Variants in HGS observed in about 807,000 individuals in gnomAD.
HGS encodes human growth factor-regulated tyrosine kinase substrate.
Under a neutral mutation model 109.7 loss-of-function variants are expected in HGS, and 63 were observed. The observed-to-expected ratio is 0.57, with a 90% CI of 0.47 to 0.71. The LOEUF is 0.71. HGS is among the 30% of genes least tolerant of loss of function. The probability of loss-of-function intolerance (pLI) is 0.00; values close to 1 mark genes in which losing one functional copy is unlikely to be tolerated. For synonymous variants in HGS, 546 were observed against 437.3 expected (o/e 1.25, Z -3.10); for missense variants, 995 against 1,068.3 (o/e 0.93, Z 0.96).
Position 81,696,996 on chromosome 17 carries a change from C to T in HGS, c.1880C>T (p.Ala627Val), listed in dbSNP as rs2037161993. 1.3e-6 allele frequency: 2 copies of T among 1,578,560 alleles called. No homozygotes were observed. Among genetic ancestry groups the T allele is most frequent in the Non-Finnish European group, 1.7e-6 (2 of 1,165,082 alleles). ...TACCCCAGCATGCCCAGCACTGCGG[C>T]TGGTAAGGACGGGTCGGGGCAGAGA... ...GPYPSMPSTA[A>V]DPSMVSAYMY... is the part of the protein sequence containing the mutation. Residue 627 changes from alanine (A) to valine (V), a missense_variant and splice_region_variant, in exon 18 of 22, where the codon GCT (alanine) becomes GTT (valine). Physicochemically the swap from Ala to Val is moderately conservative, Grantham distance 64 (BLOSUM62 0). Transcript: ENST00000329138.
intron 8 of HGS, 89 bp from the exon 9 acceptor site, chr17:81,693,414 G>A: frequency 2.1e-6 from 2 of 945,206 alleles, no homozygotes; most frequent in Non-Finnish European, 3.4e-6. Flanking sequence ...GGGACACTTA[G>A]AGGAGCCCGC....
intron 4 of HGS, among the ~76,000 whole-genome samples, chr17:81,687,635 AGATTGTGCCGGGGACATCTGCAGG>A (rs2037000092): frequency 6.6e-6 from 1 of 152,142 alleles, no homozygotes; most frequent in Non-Finnish European, 1.5e-5. Context: ...GATCCCCAGG[AGATTGTGCCGGGGACATCTGCAGG>A]GATTGTGCTG....
At chr17:81,686,646 A>T (rs1391660585) in intron 3 of HGS, among the ~76,000 whole-genome samples, 2 of 152,226 alleles carry the variant, frequency 1.3e-5, no homozygotes, top group African/African-American at 2.4e-5. Flanking sequence ...CAGAAGGCGG[A>T]TGTCATTGCT....
intron 18 of HGS, among the ~76,000 whole-genome samples, chr17:81,699,947 C>A (rs1316073412): frequency 6.6e-6 from 1 of 151,834 alleles, no homozygotes; most frequent in African/African-American, 2.4e-5. Flanking sequence ...TGGTGGTGCA[C>A]GCCTGTAATC....
chr17:81,694,913 A>G lies in HGS; in HGVS notation c.976-11A>G, dbSNP rs539870901. 12 of 1,614,170 alleles carry G rather than the reference A, an allele frequency of 7.4e-6. No individual in the cohort carries two copies. Among genetic ancestry groups the G allele is most frequent in the African/African-American group, 6.7e-5 (5 of 75,054 alleles). Reference sequence around the variant, plus strand: ...TTCTGGCCTTGGGAGTGACCCCCTCATTGCCTGCAGCTCGCACGGTATCTC... The same window carrying G: ...TTCTGGCCTTGGGAGTGACCCCCTCGTTGCCTGCAGCTCGCACGGTATCTC... On this transcript the variant is annotated splice_polypyrimidine_tract_variant and intron_variant, in intron 12 of 21. Transcript: ENST00000329138.
intron 3 of HGS, among the ~76,000 whole-genome samples, 161 bp from the exon 4 acceptor site, chr17:81,686,842 G>A (rs1003376752): frequency 5.9e-5 from 9 of 151,682 alleles, no homozygotes; most frequent in African/African-American, 1.2e-4. Flanking sequence ...GGCCACTGAC[G>A]GGCCTGTCGA....
intron 4 of HGS, among the ~76,000 whole-genome samples, chr17:81,687,556 C>T (rs1477039073): frequency 2.6e-5 from 4 of 152,096 alleles, no homozygotes; most frequent in Non-Finnish European, 5.9e-5. Context: ...ATGTGTCTGG[C>T]GGGGATAAGA....
rs1342204823 is a variant in HGS at position 81,701,627 on chromosome 17, A to G, written c.*9A>G. ...TCATTTCATTCGACTGACCCAGGCC[A>G]TGCTCACGTCCGGAGTAACACTACA... On this transcript the variant is annotated 3_prime_UTR_variant, in exon 22 of 22. Transcript: ENST00000329138. The G allele has an allele frequency of 1.9e-6, 3 of 1,552,320 alleles. No homozygotes were observed. Among genetic ancestry groups the G allele is most frequent in the Non-Finnish European group, 8.7e-7 (1 of 1,155,028 alleles).
At chr17:81,697,140 C>T in intron 18 of HGS, 142 bp downstream of exon 18, 2 of 911,218 alleles carry the variant, frequency 2.2e-6, no homozygotes, top group Non-Finnish European at 3.2e-6. Flanking sequence ...TTCCTGTTTC[C>T]ATGCAAACGC....
At position 81,684,064 on chromosome 17, in the gene HGS, G is replaced by T. The variant is rs767282458; in HGVS notation, c.-3G>T. On this transcript the variant is annotated 5_prime_UTR_variant, in exon 1 of 22. Coordinates refer to ENST00000329138, the MANE Select transcript of HGS (RefSeq NM_004712.5). ...CGGCGTCGGGTTTGGGCTGGAGGTC[G>T]CCATGGGGCGAGGCAGCGGCACCTT... is the stretch of plus-strand genomic sequence containing the variant. 6.9e-6 allele frequency: 11 copies of T among 1,593,386 alleles called. No homozygotes were observed. Among genetic ancestry groups the T allele is most frequent in the Non-Finnish European group, 9.4e-6 (11 of 1,172,494 alleles).
At chr17:81,690,402 G>T (rs2037045467) in intron 6 of HGS, 168 bp downstream of exon 6, 7 of 748,090 alleles carry the variant, frequency 9.4e-6, no homozygotes, top group Non-Finnish European at 1.6e-5. Flanking sequence ...GTCTCTGCAG[G>T]GCGAGGTGGA....
intron 1 of HGS, chr17:81,684,816 T>G (rs2036946965): frequency 2.5e-6 from 2 of 804,824 alleles, no homozygotes; most frequent in Non-Finnish European, 3.0e-6. Context: ...CAAGTAGGGT[T>G]TTCAAGGAGA....
rs761223362 is a variant in HGS at position 81,693,919 on chromosome 17, C to T, written c.890C>T (p.Ser297Leu). 7 of 1,611,596 alleles carry T rather than the reference C, an allele frequency of 4.3e-6. No homozygotes were observed. The highest frequency in any genetic ancestry group is 2.2e-5 in the East Asian group (1 of 44,896). Residue 297 changes from serine to leucine, a missense_variant, in exon 11 of 22, where the codon TCG (serine) becomes TTG (leucine). Physicochemically the swap from Ser to Leu is moderately radical, Grantham distance 145. Coordinates refer to ENST00000329138, the MANE Select transcript of HGS (RefSeq NM_004712.5). ...TSYPKAEPMPSASSAPPASSL... is the reference protein window; with the variant it reads ...TSYPKAEPMPLASSAPPASSL... Reference sequence around the variant, plus strand: ...TACCCCAAGGCGGAGCCCATGCCCTCGGCCTCCTCAGCGCCCCCCGCCAGC... The same window carrying T: ...TACCCCAAGGCGGAGCCCATGCCCTTGGCCTCCTCAGCGCCCCCCGCCAGC...
intron 8 of HGS, 72 bp from the exon 9 acceptor site, chr17:81,693,431 G>A: frequency 7.9e-6 from 9 of 1,135,204 alleles, no homozygotes; most frequent in South Asian, 6.5e-5. Context: ...CCGCAGAGGT[G>A]TGGTTGAGAG....
intron 11 of HGS, 47 bp from the exon 12 acceptor site, chr17:81,694,768 C>A (rs1285147525): frequency 1.2e-6 from 2 of 1,613,374 alleles, no homozygotes; most frequent in East Asian, 2.2e-5. Context: ...CCTGCCGAAG[C>A]AACTGGCTCT....
At position 81,696,368 on chromosome 17, in the gene HGS, G is replaced by A; in HGVS notation, c.1405G>A (p.Gly469Arg). Reference protein sequence around the residue: ...QLDERRLYYEGLQDKLAQIRD... With the variant: ...QLDERRLYYERLQDKLAQIRD... ...TCATCTGCCCACAGTGTACTATGAG[G>A]GGCTGCAGGACAAGCTGGCACAGAT... is the stretch of plus-strand genomic sequence containing the variant. The change falls in exon 16 of 22, where the codon GGG becomes AGG. Residue 469 changes from glycine (G) to arginine (R), a missense_variant. Transcript: ENST00000329138. 1 of 1,585,352 alleles carries A rather than the reference G, an allele frequency of 6.3e-7. No individual in the cohort carries two copies. The highest frequency in any genetic ancestry group is 8.6e-7 in the Non-Finnish European group (1 of 1,168,432).
At chr17:81,689,456 A>G (rs894952937) in intron 5 of HGS, among the ~76,000 whole-genome samples, 5 of 97,482 alleles carry the variant, frequency 5.1e-5, no homozygotes, top group African/African-American at 1.6e-4. Flanking sequence ...TTGTGTAGAG[A>G]GAGGTGGGGG....
intron 15 of HGS, 36 bp from the exon 16 acceptor site, chr17:81,696,321 C>T (rs376074378): frequency 3.0e-5 from 46 of 1,510,586 alleles, no homozygotes; most frequent in Middle Eastern, 4.9e-4. Flanking sequence ...GGCACTGTGC[C>T]GGAGTGGTCA....
intron 11 of HGS, 46 bp downstream of exon 11, chr17:81,694,011 G>C: frequency 1.1e-5 from 16 of 1,508,686 alleles, no homozygotes; most frequent in Non-Finnish European, 1.4e-5. Flanking sequence ...AAGGCAGTAG[G>C]GTTGATGGGG....
Sources: allele counts gnomAD v4.1 joint callset (sites outside exome capture counted in the v4.1 genomes callset), GRCh38; gene constraint gnomAD v4.1.1; transcripts MANE v1.5; gene names NCBI Gene and HGNC (gene_info 2026-07-23, HGNC 2026-07-21).